Variants in YPEL1 observed in about 807,000 individuals in gnomAD.
YPEL1 encodes yippee like 1, also known as protein yippee-like 1.
A neutral mutation model predicts 17.3 loss-of-function variants in YPEL1; 7 were observed. The ratio of observed to expected loss-of-function variants is 0.40; its 90% CI spans 0.23 to 0.76. The LOEUF (loss-of-function observed/expected upper bound fraction) is 0.76. Ranked by LOEUF, YPEL1 falls within the 30% of genes least tolerant of loss-of-function variation. YPEL1 has a pLI of 0.35. For synonymous variants in YPEL1, 59 were observed against 59.6 expected, an observed-to-expected ratio of 0.99 and a Z score of 0.05; for missense variants, 91 against 155.5, an observed-to-expected ratio of 0.59 and a Z score of 2.21.
chr22:21,699,863 G>C lies in YPEL1; in HGVS notation c.*1266C>G, dbSNP rs1353997221. Reference sequence around the variant, plus strand: ...TGACACCTAAGCTGCTGTCACTGCTGAGGGCACAACCCCTGGTACCAGACC... The same window carrying C: ...TGACACCTAAGCTGCTGTCACTGCTCAGGGCACAACCCCTGGTACCAGACC... On this transcript the variant is annotated 3_prime_UTR_variant, in exon 5 of 5. Transcript: ENST00000339468. The C allele has an allele frequency of 2.6e-5, 4 of 152,590 alleles. No individual in the cohort carries two copies. The highest frequency in any genetic ancestry group is 2.6e-4 in the Admixed American group (4 of 15,276). The allele number at this position is 152,590 out of a possible 1,614,324, so 9.5% of individuals were successfully genotyped here.
chr22:21,723,946 T>C (rs1387879790), intron 1 of YPEL1, among the ~76,000 whole-genome samples: 3 of 152,018 alleles, frequency 2.0e-5, no homozygotes, highest in African/African-American at 7.3e-5. Context: ...GGATTACAGG[T>C]GTGAGCCACC....
rs1354553186 is a variant in YPEL1 at position 21,701,062 on chromosome 22, A to G, written c.*67T>C. 4.2e-6 allele frequency: 6 copies of G among 1,437,236 alleles called. No homozygotes were observed. Among genetic ancestry groups the G allele is most frequent in the Admixed American group, 1.7e-5 (1 of 59,296 alleles). 89.0% of individuals were successfully genotyped at this position (1,437,236 alleles called of 1,614,324 possible). A position where few individuals can be genotyped will look rare whatever the true frequency, so the allele number is the denominator to read the frequency against. ...AGAAAGGCTGTCACCAGATGCTCCT[A>G]CGTTTCCATTACATTCACAGTTTCT... On this transcript the variant is annotated 3_prime_UTR_variant, in exon 5 of 5. Transcript: ENST00000339468.
rs183614823 is a variant in YPEL1, at chr22:21,732,598, C to G, written c.-165+3017G>C. Among the ~76,000 whole-genome samples the G allele has an allele frequency of 1.1e-3, 172 of 152,102 alleles. 1 individual carries two copies. The highest frequency in any genetic ancestry group is 3.3e-3 in the African/African-American group (138 of 41,478). ...GGAGATTGAGGCCATCCTGGCCAAC[C>G]TGGTGAAACCCCGTCTCTATTAAAA... On this transcript the variant is annotated intron_variant, in intron 1 of 4. Coordinates refer to ENST00000339468, the MANE Select transcript of YPEL1 (RefSeq NM_013313.5).
chr22:21,716,004 C>T (rs1398541349), intron 1 of YPEL1, among the ~76,000 whole-genome samples: 2 of 152,126 alleles, frequency 1.3e-5, no homozygotes, highest in African/African-American at 4.8e-5. Flanking sequence ...TGAGTTGATC[C>T]ACCTGCCTTG....
chr22:21,707,113 T>C (rs953033180), intron 2 of YPEL1, among the ~76,000 whole-genome samples: 11 of 152,046 alleles, frequency 7.2e-5, no homozygotes, highest in African/African-American at 2.7e-4. Context: ...TGCAATATTA[T>C]ATAATTTAAA....
chr22:21,725,924 G>C (rs1270913528), intron 1 of YPEL1, among the ~76,000 whole-genome samples: 1 of 152,148 alleles, frequency 6.6e-6, no homozygotes, highest in Admixed American at 6.5e-5. Flanking sequence ...GCTTAAGCCG[G>C]GGAGGTCGAG....
At chr22:21,727,390 C>A (rs987158689) in intron 1 of YPEL1, among the ~76,000 whole-genome samples, 1 of 152,192 alleles carries the variant, frequency 6.6e-6, no homozygotes, top group African/African-American at 2.4e-5. Flanking sequence ...AAATAAGGAA[C>A]CACCCTGAAG....
At position 21,699,743 on chromosome 22, in the gene YPEL1, T is replaced by C. The variant is rs1195590742; in HGVS notation, c.*1386A>G. 6.5e-6 allele frequency: 1 copy of C among 152,788 alleles called. No homozygotes were observed. The highest frequency in any genetic ancestry group is 1.5e-5 in the Non-Finnish European group (1 of 68,044). 9.5% of individuals were successfully genotyped at this position (152,788 alleles called of 1,614,324 possible). On this transcript the variant is annotated 3_prime_UTR_variant, in exon 5 of 5. Transcript: ENST00000339468. ...CTTTCATATGCAAAAATAATTCTTT[T>C]TCTTCAAGTACATCCAGGGTAGAAA...
rs35100577 is a variant in YPEL1 at position 21,698,261 on chromosome 22, CAAAAAA to C, written c.*2862_*2867del. ...ATAAAAGTGTTGTTGGTATAAATTACAAAAAAAAAAAAAAATACAAAAGTCATAAGA... is the reference window on the plus strand; with the variant it reads ...ATAAAAGTGTTGTTGGTATAAATTACAAAAAAAAATACAAAAGTCATAAGA... On this transcript the variant is annotated 3_prime_UTR_variant, in exon 5 of 5. Transcript: ENST00000339468. 8.1e-6 allele frequency: 1 copy of C among 123,204 alleles called. No homozygotes were observed. The highest frequency in any genetic ancestry group is 1.7e-5 in the Non-Finnish European group (1 of 59,932). The allele number at this position is 123,204 out of a possible 1,614,324, so 7.6% of individuals were successfully genotyped here. A position where few individuals can be genotyped will look rare whatever the true frequency, so the allele number is the denominator to read the frequency against.
intron 2 of YPEL1, 196 bp from the exon 3 acceptor site, chr22:21,704,078 T>C: frequency 1.4e-6 from 1 of 727,814 alleles, no homozygotes; most frequent in South Asian, 1.5e-5. Context: ...CTGTTTTTCA[T>C]TGTAGACAGG....
chr22:21,699,547 C>CT lies in YPEL1; in HGVS notation c.*1581dup, dbSNP rs2068042748. 6.6e-6 allele frequency: 1 copy of CT among 152,510 alleles called. No individual in the cohort carries two copies. Among genetic ancestry groups the CT allele is most frequent in the Non-Finnish European group, 1.5e-5 (1 of 68,036 alleles). The allele number at this position is 152,510 out of a possible 1,614,324, so 9.4% of individuals were successfully genotyped here. A position where few individuals can be genotyped will look rare whatever the true frequency, so the allele number is the denominator to read the frequency against. ...GCCTTAGGAGATTGCACAGGCCCCT[C>CT]TATCAGTTCAAGTGACATGGGACAG... On this transcript the variant is annotated 3_prime_UTR_variant, in exon 5 of 5. Transcript: ENST00000339468.
chr22:21,704,874 G>A (rs983175944), intron 2 of YPEL1, among the ~76,000 whole-genome samples: 1 of 152,132 alleles, frequency 6.6e-6, no homozygotes, highest in Non-Finnish European at 1.5e-5. Flanking sequence ...TTGCCCTCAC[G>A]GGACAGGTGG....
chr22:21,719,510 T>C (rs117884926), intron 1 of YPEL1, among the ~76,000 whole-genome samples: 103 of 152,310 alleles, frequency 6.8e-4, no homozygotes, highest in Middle Eastern at 3.4e-3. Flanking sequence ...TATTCAGGTC[T>C]CTAGCGTTCA....
At chr22:21,719,818 G>C (rs2068262450) in intron 1 of YPEL1, among the ~76,000 whole-genome samples, 1 of 152,026 alleles carries the variant, frequency 6.6e-6, no homozygotes, top group African/African-American at 2.4e-5. Context: ...ATGAGGTCAG[G>C]AGTTCAAGAC....
At chr22:21,706,135 A>T (rs1299208837) in intron 2 of YPEL1, among the ~76,000 whole-genome samples, 1 of 151,254 alleles carries the variant, frequency 6.6e-6, no homozygotes. Context: ...TGCCTCAAAA[A>T]AAATTTTAAG....
At chr22:21,711,246 A>G (rs1204299985) in intron 1 of YPEL1, among the ~76,000 whole-genome samples, 4 of 152,174 alleles carry the variant, frequency 2.6e-5, no homozygotes, top group African/African-American at 7.2e-5. Flanking sequence ...ACTCTTTAGT[A>G]TCAATTGTAG....
chr22:21,708,715 G>A (rs62235106), intron 2 of YPEL1, among the ~76,000 whole-genome samples: 29,309 of 147,748 alleles, frequency 0.2, 3,027 homozygotes, highest in African/African-American at 0.23. Context: ...TGCCCAGGCT[G>A]GAGTGCAATG....
intron 1 of YPEL1, among the ~76,000 whole-genome samples, chr22:21,734,494 G>A (rs570094954): frequency 1.3e-5 from 2 of 152,256 alleles, no homozygotes; most frequent in South Asian, 2.1e-4. Flanking sequence ...TGGTAATTAA[G>A]AGCGCTCAGT....
Position 21,698,131 on chromosome 22 carries a change from G to A in YPEL1, c.*2998C>T, listed in dbSNP as rs970890983. 1.3e-5 allele frequency: 2 copies of A among 152,142 alleles called. No homozygotes were observed. The highest frequency in any genetic ancestry group is 4.8e-5 in the African/African-American group (2 of 41,368). 9.4% of individuals were successfully genotyped at this position (152,142 alleles called of 1,614,324 possible). On this transcript the variant is annotated 3_prime_UTR_variant, in exon 5 of 5. Transcript: ENST00000339468. ...TTGTTTAGGAATTTAAGAGGGTGGT[G>A]GATATGGTCCTGTGAATAGCACTTC... is the stretch of plus-strand genomic sequence containing the variant.
Sources: gnomAD v4.1 joint callset for allele counts (sites outside exome capture counted in the v4.1 genomes callset) on GRCh38, gnomAD v4.1.1 for gene constraint, MANE v1.5 for transcripts, NCBI Gene and HGNC (gene_info 2026-07-23, HGNC 2026-07-21) for gene names.